The following IL7 variants were observed in gnomAD, a reference collection of about 807,000 sequenced individuals.
IL7 encodes interleukin 7.
A neutral mutation model predicts 21.6 loss-of-function variants in IL7; 3 were observed. The ratio of observed to expected loss-of-function variants is 0.14; its 90% CI spans 0.06 to 0.36. The LOEUF (loss-of-function observed/expected upper bound fraction) is 0.36, where lower values mean the gene tolerates loss of function less well. Among genes scored for constraint, IL7 ranks in the 10% least tolerant of loss-of-function variants. IL7 has a pLI of 1.00. For synonymous variants in IL7, 62 were observed against 68.1 expected (o/e 0.91, Z 0.44); for missense variants, 175 against 200.2 (o/e 0.87, Z 0.76).
At chr8:78,696,887 T>C (rs1175467877) in intron 3 of IL7, among the ~76,000 whole-genome samples, 2 of 152,200 alleles carry the variant, frequency 1.3e-5, no homozygotes, top group African/African-American at 4.8e-5. Flanking sequence ...AGCTGCACCA[T>C]AGCTGTTTCT....
intron 3 of IL7, among the ~76,000 whole-genome samples, chr8:78,697,682 C>CTT (rs370060109): frequency 1.4e-5 from 2 of 139,686 alleles, no homozygotes; most frequent in African/African-American, 2.6e-5. Context: ...TACTTTTAAC[C>CTT]TTTTTTTTTT....
At chr8:78,762,260 C>T (rs954359983) in intron 2 of IL7, 1 of 1,579,628 alleles carries the variant, frequency 6.3e-7, no homozygotes, top group Non-Finnish European at 8.7e-7. Context: ...GGCACATAAT[C>T]GATAATGTTT....
chr8:78,798,134 T>G lies in IL7; in HGVS notation c.85A>C (p.Ile29Leu), dbSNP rs560360621. 1 of 1,611,702 alleles carries G rather than the reference T, an allele frequency of 6.2e-7. No homozygotes were observed. Among genetic ancestry groups the G allele is most frequent in the South Asian group, 1.1e-5 (1 of 90,978 alleles). Residue 29 changes from isoleucine to leucine, a missense_variant, in exon 2 of 6, where the codon ATT (isoleucine) becomes CTT (leucine). Transcript: ENST00000263851. ...LLPVASSDCD[I>L]EGKDGKQYES... is the part of the protein sequence containing the mutation. ...TATTGTTTGCCATCTTTACCTTCAA[T>G]ATCACAATCAGATGATGCTACTGGC...
intron 3 of IL7, among the ~76,000 whole-genome samples, chr8:78,690,165 T>C (rs1810160672): frequency 6.6e-6 from 1 of 151,366 alleles, no homozygotes; most frequent in South Asian, 2.1e-4. Flanking sequence ...TTTATATCCC[T>C]GTCCTTTAGT....
chr8:78,795,050 G>A (rs972584147), intron 2 of IL7, among the ~76,000 whole-genome samples: 32 of 152,160 alleles, frequency 2.1e-4, no homozygotes, highest in African/African-American at 7.7e-4. Flanking sequence ...TTCTGGCTCG[G>A]TCACTTATAA....
At chr8:78,709,004 T>C (rs1810872149) in intron 3 of IL7, among the ~76,000 whole-genome samples, 1 of 152,154 alleles carries the variant, frequency 6.6e-6, no homozygotes. Context: ...ATTTTAGAAA[T>C]ACAGTGAAAC....
chr8:78,741,590 T>A (rs1030005730), intron 2 of IL7, among the ~76,000 whole-genome samples: 5 of 152,236 alleles, frequency 3.3e-5, no homozygotes, highest in Non-Finnish European at 5.9e-5. Flanking sequence ...ACATGAATAT[T>A]TAAAAAGCCA....
chr8:78,779,559 C>T (rs1008980233), intron 2 of IL7, among the ~76,000 whole-genome samples: 3 of 152,004 alleles, frequency 2.0e-5, no homozygotes, highest in Non-Finnish European at 4.4e-5. Context: ...TTGTATGTTG[C>T]ACCAGCCTTA....
chr8:78,689,491 T>C lies in IL7; in HGVS notation n.215-3544A>G, dbSNP rs546540089. The C allele has an allele frequency of 1.4e-4, 120 of 844,668 alleles. 2 individuals are homozygous for C. The African/African-American group carries it at 1.9e-3, about 13-fold the overall frequency. The allele number at this position is 844,668 out of a possible 1,614,324, so 52.3% of individuals were successfully genotyped here. ...TTTTTCTCACCTGCTTTTATAGATA[T>C]ATAGTTTTATATATCTATAAAAGTT... On this transcript the variant is annotated intron_variant and non_coding_transcript_variant, in intron 3 of 4. Transcript: ENST00000523959.
chr8:78,785,000 TTA>T (rs1170978047), intron 2 of IL7, among the ~76,000 whole-genome samples: 1 of 152,128 alleles, frequency 6.6e-6, no homozygotes, highest in Non-Finnish European at 1.5e-5. Flanking sequence ...AGCCACATTT[TTA>T]TCTCTCAGAA....
At chr8:78,744,415 G>T (rs1020979935) in intron 2 of IL7, among the ~76,000 whole-genome samples, 1 of 152,098 alleles carries the variant, frequency 6.6e-6, no homozygotes, top group Non-Finnish European at 1.5e-5. Flanking sequence ...CTGCCCGATC[G>T]GTTTGGACTC....
intron 5 of IL7, among the ~76,000 whole-genome samples, chr8:78,734,099 T>C (rs1811497405): frequency 6.6e-6 from 1 of 152,220 alleles, no homozygotes; most frequent in South Asian, 2.1e-4. Context: ...ACAGTGGACA[T>C]AATAACACTG....
At chr8:78,773,119 A>C (rs935488100) in intron 2 of IL7, among the ~76,000 whole-genome samples, 1 of 152,124 alleles carries the variant, frequency 6.6e-6, no homozygotes, top group Non-Finnish European at 1.5e-5. Flanking sequence ...AGGTGGCTGG[A>C]GTCTATCTCA....
downstream of IL7, among the ~76,000 whole-genome samples, chr8:78,715,556 T>C (rs926855570): frequency 9.2e-5 from 14 of 152,300 alleles, no homozygotes; most frequent in African/African-American, 3.1e-4. Flanking sequence ...ATGTGATTTA[T>C]GGGAGGAGGT....
At chr8:78,706,922 T>A (rs1810791881) in intron 3 of IL7, among the ~76,000 whole-genome samples, 1 of 152,182 alleles carries the variant, frequency 6.6e-6, no homozygotes, top group Non-Finnish European at 1.5e-5. Context: ...TTAAGTGATT[T>A]TTCTTATTGT....
rs1812513937 is a variant in IL7 at position 78,760,447 on chromosome 8, G to A, written c.148-20365C>T. ...GCAGTTGGAGGGCTTCATAGATGGT[G>A]GACGGAAGCTCTATATCTTTCCCCC... On this transcript the variant is annotated intron_variant, in intron 2 of 5. Coordinates refer to ENST00000263851, the MANE Select transcript of IL7 (RefSeq NM_000880.4). The A allele has an allele frequency of 3.8e-6, 6 of 1,572,378 alleles. 1 individual carries two copies. Among genetic ancestry groups the A allele is most frequent in the Non-Finnish European group, 5.2e-6 (6 of 1,163,502 alleles).
At chr8:78,762,380 C>A (rs1362027250) in intron 2 of IL7, 1 of 1,612,406 alleles carries the variant, frequency 6.2e-7, no homozygotes, top group Non-Finnish European at 8.5e-7. Flanking sequence ...CAAGTCAAGT[C>A]GGACTGCGTG....
chr8:78,681,395 C>G (rs1390650905), intron 4 of IL7, among the ~76,000 whole-genome samples: 1 of 152,066 alleles, frequency 6.6e-6, no homozygotes, highest in Non-Finnish European at 1.5e-5. Context: ...AATCACAGAG[C>G]AGATGAATGT....
chr8:78,722,112 T>C (rs1353138216), intron 3 of IL7, among the ~76,000 whole-genome samples: 1 of 152,012 alleles, frequency 6.6e-6, no homozygotes, highest in Non-Finnish European at 1.5e-5. Context: ...CTTTTATATT[T>C]TGTATATTGT....
Sources: allele counts gnomAD v4.1 joint callset (sites outside exome capture counted in the v4.1 genomes callset), GRCh38; gene constraint gnomAD v4.1.1; transcripts MANE v1.5; gene names NCBI Gene and HGNC (gene_info 2026-07-23, HGNC 2026-07-21).